The following NAV2 variants were observed in gnomAD, a reference collection of about 807,000 sequenced individuals.
NAV2 encodes the protein helicase, APC down-regulated 1.
A neutral mutation model predicts 223.2 loss-of-function variants in NAV2; 54 were observed. The observed-to-expected ratio is 0.24, with a 90% CI of 0.19 to 0.30. The LOEUF (loss-of-function observed/expected upper bound fraction) is 0.30, where lower values mean the gene tolerates loss of function less well. Ranked by LOEUF, NAV2 falls within the 10% of genes least tolerant of loss-of-function variation. The pLI is 1.00. For synonymous variants in NAV2, 1,279 were observed against 1,239.3 expected (o/e 1.03, Z -0.67); for missense variants, 2,806 against 3,147.5 (o/e 0.89, Z 2.60).
intron 1 of NAV2, among the ~76,000 whole-genome samples, chr11:19,553,777 A>C (rs2134682012): frequency 6.6e-6 from 1 of 152,338 alleles, no homozygotes; most frequent in African/African-American, 2.4e-5. Context: ...CTGGGGAGAC[A>C]CACCACAGCT....
At chr11:20,071,083 C>T (rs1486859124) in intron 22 of NAV2, among the ~76,000 whole-genome samples, 2 of 151,298 alleles carry the variant, frequency 1.3e-5, no homozygotes, top group East Asian at 3.9e-4. Flanking sequence ...TTAGGCATTT[C>T]TCCTAATACT....
At position 19,751,979 on chromosome 11, in the gene NAV2, A is replaced by G. The variant is rs1203293151; in HGVS notation, c.267+38017A>G. On this transcript the variant is annotated intron_variant, in intron 1 of 37. Transcript: ENST00000349880. ...GTTCTGTGATCTCGTAGGATCTTCA[A>G]AGTCTAAAACCATCTTCTTTCCACC... Among the ~76,000 whole-genome samples the G allele has an allele frequency of 6.6e-5, 10 of 152,148 alleles. 1 individual carries two copies. The highest frequency in any genetic ancestry group is 9.7e-5 in the African/African-American group (4 of 41,428).
chr11:19,357,005 A>C (rs1853658943), intron 1 of NAV2, among the ~76,000 whole-genome samples: 1 of 152,232 alleles, frequency 6.6e-6, no homozygotes, highest in South Asian at 2.1e-4. Flanking sequence ...TGTAAATTGC[A>C]CAAGGATAGC....
intron 1 of NAV2, among the ~76,000 whole-genome samples, chr11:19,609,405 G>T (rs2046569701): frequency 6.6e-6 from 1 of 152,162 alleles, no homozygotes; most frequent in Non-Finnish European, 1.5e-5. Flanking sequence ...TGAGTCTGTA[G>T]AAACACAATG....
rs76500423 is a variant in NAV2 at position 19,443,765 on chromosome 11, A to G, written c.75+92738A>G. ...GTGTGAGATTGAGCAAATTCTTCAC[A>G]TCTTCTAAAATGTCAGTTTTCTTCT... is the stretch of plus-strand genomic sequence containing the variant. On this transcript the variant is annotated intron_variant, in intron 1 of 37. Coordinates refer to the NAV2 transcript ENST00000360655. Among the ~76,000 whole-genome samples, 603 of 152,306 alleles carry G rather than the reference A, an allele frequency of 4.0e-3. 5 individuals are homozygous for G. Among genetic ancestry groups the G allele is most frequent in the African/African-American group, 0.014 (591 of 41,566 alleles).
In NAV2 at chr11:19,713,774, G is replaced by C. The variant is rs373558916; in HGVS notation, c.79G>C (p.Val27Leu). ...PVHSAAPILH[V>L]PPARAGPQPC... Reference sequence around the variant, plus strand: ...GCACAGCGCCGCGCCCATCCTGCACGTGCCCCCGGCCCGGGCGGGCCCCCA... The same window carrying C: ...GCACAGCGCCGCGCCCATCCTGCACCTGCCCCCGGCCCGGGCGGGCCCCCA... The change falls in exon 1 of 38, where the codon GTG (valine) becomes CTG (leucine). Residue 27 changes from valine to leucine, a missense_variant. Val to Leu is a conservative substitution (Grantham distance 32). This residue lies in a region of NAV2 where 1,167 missense variants were observed against 1,180.5 expected (regional missense o/e 0.99). Transcript: ENST00000349880. This position sits in a 1 kb window ranked among gnomAD's most constrained non-coding sequence, Gnocchi z 7.2. The C allele has an allele frequency of 3.7e-6, 6 of 1,612,778 alleles. No homozygotes were observed. Among genetic ancestry groups the C allele is most frequent in the Non-Finnish European group, 5.1e-6 (6 of 1,179,736 alleles).
At chr11:19,977,798 CTTTTTTTTTTT>C (rs1221334182) in intron 10 of NAV2, among the ~76,000 whole-genome samples, 3 of 90,808 alleles carry the variant, frequency 3.3e-5, no homozygotes, top group Admixed American at 1.3e-4. Context: ...CAACTTTTTT[CTTTTTTTTTTT>C]TTTTTTTTTT....
At chr11:19,860,515 C>A (rs1178727907) in intron 3 of NAV2, among the ~76,000 whole-genome samples, 1 of 151,326 alleles carries the variant, frequency 6.6e-6, no homozygotes, top group Admixed American at 6.6e-5. Context: ...GATGGGATGG[C>A]GGCTGGGCAG....
intron 5 of NAV2, among the ~76,000 whole-genome samples, chr11:19,885,537 T>C (rs1051657607): frequency 1.3e-5 from 2 of 152,280 alleles, no homozygotes; most frequent in Non-Finnish European, 1.5e-5. Flanking sequence ...CTTATTCTTA[T>C]ATTTCATTGA....
chr11:19,891,903 C>A (rs1001216219), intron 5 of NAV2, among the ~76,000 whole-genome samples: 3 of 152,024 alleles, frequency 2.0e-5, no homozygotes, highest in African/African-American at 4.8e-5. Context: ...ACTGGCTTGA[C>A]CCTATTCAAA....
intron 10 of NAV2, among the ~76,000 whole-genome samples, chr11:19,959,427 G>A (rs1256590870): frequency 1.3e-5 from 2 of 152,196 alleles, no homozygotes; most frequent in Non-Finnish European, 2.9e-5. Context: ...ACTAGAGCAG[G>A]TCCTGTGGGG....
Position 19,856,797 on chromosome 11 carries a change from T to C in NAV2, c.439-12128T>C, listed in dbSNP as rs558516968. 2.2e-4 allele frequency among the ~76,000 whole-genome samples: 33 copies of C among 152,358 alleles called. No homozygotes were observed. The South Asian group carries it at 6.8e-3, about 32-fold the overall frequency. On this transcript the variant is annotated intron_variant, in intron 3 of 37. Transcript: ENST00000349880. ...GAGCAAAGTCCTGCAGGATTCTGAA[T>C]TGAGCATTAATGCATTCAAAGGTAT...
intron 1 of NAV2, among the ~76,000 whole-genome samples, chr11:19,740,532 C>T (rs1236237218): frequency 6.6e-6 from 1 of 151,924 alleles, no homozygotes; most frequent in East Asian, 1.9e-4. Context: ...ATCCCCCTCT[C>T]TGAGAAACAC....
intron 5 of NAV2, among the ~76,000 whole-genome samples, chr11:19,890,818 A>G (rs563738718): frequency 9.9e-5 from 15 of 152,142 alleles, no homozygotes; most frequent in Non-Finnish European, 1.5e-4. Flanking sequence ...GTCCCCAAAC[A>G]CAGGCACTGG....
At chr11:20,097,775 T>C in intron 31 of NAV2, 30 bp downstream of exon 31, 2 of 1,540,044 alleles carry the variant, frequency 1.3e-6, no homozygotes, top group Non-Finnish European at 1.7e-6. Context: ...AAGTCGGAGC[T>C]TTCAGGAATT....
chr11:19,804,588 T>G (rs1336402197), intron 1 of NAV2, among the ~76,000 whole-genome samples: 1 of 152,198 alleles, frequency 6.6e-6, no homozygotes, highest in Non-Finnish European at 1.5e-5. Flanking sequence ...TAGTGGATAA[T>G]GTGTTCCCTT....
chr11:19,551,320 C>T (rs1447750605), intron 1 of NAV2, among the ~76,000 whole-genome samples: 2 of 152,270 alleles, frequency 1.3e-5, no homozygotes, highest in African/African-American at 2.4e-5. Flanking sequence ...GTCAGGACCA[C>T]GTATTTTCTT....
At chr11:19,814,891 A>T (rs1401296626) in intron 1 of NAV2, among the ~76,000 whole-genome samples, 2 of 151,880 alleles carry the variant, frequency 1.3e-5, no homozygotes. Context: ...CTTCTCCCCC[A>T]CCTATCTAAC....
At chr11:19,938,009 A>G (rs1195958272) in intron 7 of NAV2, among the ~76,000 whole-genome samples, 1 of 152,220 alleles carries the variant, frequency 6.6e-6, no homozygotes, top group Non-Finnish European at 1.5e-5. Flanking sequence ...GAACTAAGGA[A>G]GGAGGAGAAG....
Sources: gnomAD v4.1 joint callset for allele counts (sites outside exome capture counted in the v4.1 genomes callset) on GRCh38, gnomAD v4.1.1 for gene constraint, gnomAD v4.1.1 regional missense constraint, Gnocchi (gnomAD v3.1) non-coding constraint, MANE v1.5 for transcripts, NCBI Gene and HGNC (gene_info 2026-07-23, HGNC 2026-07-21) for gene names.